The following PTPRD variants were observed in gnomAD, a reference collection of about 807,000 sequenced individuals.
The protein encoded by PTPRD is receptor-type tyrosine-protein phosphatase delta.
Under a neutral mutation model 214.5 loss-of-function variants are expected in PTPRD, and 34 were observed. The ratio of observed to expected loss-of-function variants is 0.16; its 90% CI spans 0.12 to 0.21. PTPRD has a LOEUF of 0.21. Among genes scored for constraint, PTPRD ranks in the 10% least tolerant of loss-of-function variants. The pLI is 1.00. For synonymous variants in PTPRD, 1,128 were observed against 845.7 expected (o/e 1.33, Z -5.79); for missense variants, 2,545 against 2,398.7 (o/e 1.06, Z -1.27).
chr9:10,489,286 A>G (rs765285359), intron 2 of PTPRD, among the ~76,000 whole-genome samples: 1 of 152,014 alleles, frequency 6.6e-6, no homozygotes. Context: ...GGACCTTATT[A>G]CCCTGACTGG....
chr9:9,837,071 A>G (rs1322310715), intron 5 of PTPRD, among the ~76,000 whole-genome samples: 1 of 152,132 alleles, frequency 6.6e-6, no homozygotes, highest in Non-Finnish European at 1.5e-5. Context: ...CTCTACATAC[A>G]TTCTTTTCCC....
intron 12 of PTPRD, among the ~76,000 whole-genome samples, chr9:8,698,454 T>C (rs1387762519): frequency 6.6e-6 from 1 of 152,222 alleles, no homozygotes; most frequent in African/African-American, 2.4e-5. Flanking sequence ...TCTCCTATGA[T>C]TCATGTTACA....
rs1049294297 is a variant in PTPRD, at chr9:8,711,777, C to T, written c.64+22003G>A. Among the ~76,000 whole-genome samples the T allele has an allele frequency of 3.4e-4, 52 of 152,182 alleles. 2 individuals are homozygous for T. Among genetic ancestry groups the T allele is most frequent in the Non-Finnish European group, 7.3e-5 (5 of 68,034 alleles). On this transcript the variant is annotated intron_variant, in intron 12 of 45. Transcript: ENST00000381196. ...GACTGATAAAACGTATTTCTCCCAG[C>T]CCATAAATGTTTATTGTAGCTTCAT...
intron 2 of PTPRD, among the ~76,000 whole-genome samples, chr9:10,424,862 T>C (rs992215536): frequency 6.6e-6 from 1 of 152,024 alleles, no homozygotes; most frequent in Non-Finnish European, 1.5e-5. Context: ...CTGGTTCTAC[T>C]TCTCTAATAA....
intron 8 of PTPRD, among the ~76,000 whole-genome samples, chr9:9,429,809 A>T (rs79723370): frequency 0.065 from 9,949 of 152,170 alleles, 357 homozygotes; most frequent in Middle Eastern, 0.17. Context: ...CCCACATGAT[A>T]GTCTCAATAG....
chr9:10,436,643 C>T (rs1588147691), intron 2 of PTPRD, among the ~76,000 whole-genome samples: 2 of 151,658 alleles, frequency 1.3e-5, no homozygotes, highest in African/African-American at 4.8e-5. Flanking sequence ...AATGCATAAA[C>T]TCTTACTTTT....
chr9:10,144,232 C>T (rs2099007389), intron 3 of PTPRD, among the ~76,000 whole-genome samples: 1 of 152,046 alleles, frequency 6.6e-6, no homozygotes, highest in Non-Finnish European at 1.5e-5. Context: ...TCAGTGCAGT[C>T]ATTATAAACT....
chr9:9,399,221 A>G (rs2069163905), intron 8 of PTPRD, among the ~76,000 whole-genome samples: 1 of 152,060 alleles, frequency 6.6e-6, no homozygotes. Flanking sequence ...TAAAAACTTT[A>G]GCATAAGTAT....
At position 8,814,333 on chromosome 9, in the gene PTPRD, C is replaced by T. The variant is rs79395351; in HGVS notation, c.-103-80387G>A. Among the ~76,000 whole-genome samples, 16 of 151,774 alleles carry T rather than the reference C, an allele frequency of 1.1e-4. No individual in the cohort carries two copies. In the East Asian group the frequency reaches 2.5e-3, roughly 24 times the overall value. ...CATCTACAGAATGCGTGAGGGCAGA[C>T]GGCAAGACTAAGCAAGAATGTCTTC... On this transcript the variant is annotated intron_variant, in intron 11 of 45. Transcript: ENST00000381196.
intron 11 of PTPRD, among the ~76,000 whole-genome samples, chr9:8,820,693 C>T (rs893581976): frequency 6.6e-6 from 1 of 151,962 alleles, no homozygotes; most frequent in African/African-American, 2.4e-5. Flanking sequence ...TCAGCGAACG[C>T]CTCCTTGAAA....
At chr9:9,130,277 T>C (rs2099840595) in intron 10 of PTPRD, among the ~76,000 whole-genome samples, 2 of 152,290 alleles carry the variant, frequency 1.3e-5, no homozygotes, top group South Asian at 4.1e-4. Flanking sequence ...AAATAAATGA[T>C]TACTATGAAA....
intron 3 of PTPRD, among the ~76,000 whole-genome samples, chr9:10,245,196 C>A (rs187427917): frequency 6.2e-4 from 94 of 152,140 alleles, no homozygotes; most frequent in African/African-American, 2.1e-3. Flanking sequence ...ATACCCTGGA[C>A]CAGTTTTCCT....
chr9:8,636,755 T>C lies in PTPRD; in HGVS notation c.154A>G (p.Arg52Gly), dbSNP rs144202170. The change falls in exon 13 of 46, where the codon AGA (arginine) becomes GGA (glycine). Residue 52 changes from arginine to glycine, a missense_variant. Arg to Gly is a moderately radical substitution (Grantham distance 125). Transcript: ENST00000381196. The stretch of plus-strand genomic sequence containing the variant: ...TTTTTGTTCCAGACAATTTTAGGTC[T>C]TGGGTCTCCCGTAGCTTGGCAGATG... ...SFICQATGDPRPKIVWNKKGK... is the reference protein window; with the variant it reads ...SFICQATGDPGPKIVWNKKGK... 1.2e-6 allele frequency: 2 copies of C among 1,614,146 alleles called. No individual in the cohort carries two copies. Among genetic ancestry groups the C allele is most frequent in the Admixed American group, 1.7e-5 (1 of 60,020 alleles).
At chr9:10,460,427 T>G (rs1040248881) in intron 2 of PTPRD, among the ~76,000 whole-genome samples, 10 of 150,236 alleles carry the variant, frequency 6.7e-5, no homozygotes, top group African/African-American at 2.5e-4. Flanking sequence ...GCCAAAACAA[T>G]TCTGAAAAAA....
intron 9 of PTPRD, among the ~76,000 whole-genome samples, chr9:9,328,317 T>C (rs1054576890): frequency 1.3e-5 from 2 of 152,148 alleles, no homozygotes; most frequent in African/African-American, 4.8e-5. Context: ...TTACATGTAG[T>C]ATGTGGTATG....
intron 3 of PTPRD, among the ~76,000 whole-genome samples, chr9:10,231,408 T>C (rs1376628015): frequency 6.6e-6 from 1 of 151,892 alleles, no homozygotes; most frequent in African/African-American, 2.4e-5. Context: ...TGCAATTACC[T>C]AAAAACCAGT....
chr9:9,221,744 G>GTT (rs2099956202), intron 9 of PTPRD, among the ~76,000 whole-genome samples: 1 of 151,928 alleles, frequency 6.6e-6, no homozygotes, highest in Non-Finnish European at 1.5e-5. Flanking sequence ...CACTTTGGAG[G>GTT]ACCAGAATTC....
intron 3 of PTPRD, among the ~76,000 whole-genome samples, chr9:10,285,414 T>C (rs2095311538): frequency 6.6e-6 from 1 of 152,092 alleles, no homozygotes; most frequent in African/African-American, 2.4e-5. Flanking sequence ...TGCAATTTCA[T>C]TCTTTGTGGC....
At position 9,759,555 on chromosome 9, in the gene PTPRD, C is replaced by CTTTT. The variant is rs3050068; in HGVS notation, c.-326+7251_-326+7254dup. 4.2e-4 allele frequency among the ~76,000 whole-genome samples: 49 copies of CTTTT among 117,812 alleles called. 1 individual carries two copies. Among genetic ancestry groups the CTTTT allele is most frequent in the African/African-American group, 7.2e-4 (21 of 29,264 alleles). The allele number at this position is 117,812 out of a possible 152,430, so 77.3% of individuals were successfully genotyped here. On this transcript the variant is annotated intron_variant, in intron 6 of 45. Transcript: ENST00000381196. ...ACATCTTCAAATAGTCAAGGTCTGT[C>CTTTT]TTTTTTTTTTTTTTTTTTTTGAGAT...
Sources: allele counts gnomAD v4.1 joint callset (sites outside exome capture counted in the v4.1 genomes callset), GRCh38; gene constraint gnomAD v4.1.1; transcripts MANE v1.5; gene names NCBI Gene and HGNC (gene_info 2026-07-23, HGNC 2026-07-21).